TENM1: variants seen among roughly 807,000 people sequenced by gnomAD.
The protein encoded by TENM1 is teneurin-1.
A neutral mutation model predicts 174.8 loss-of-function variants in TENM1; 35 were observed. The ratio of observed to expected loss-of-function variants is 0.20; its 90% confidence interval spans 0.15 to 0.27. The LOEUF (loss-of-function observed/expected upper bound fraction) is 0.27, where lower values mean the gene tolerates loss of function less well. Ranked by LOEUF, TENM1 falls within the 10% of genes least tolerant of loss-of-function variation. TENM1 has a pLI of 1.00. For missense variants in TENM1, 1,633 were observed against 2,130.1 expected, an observed-to-expected ratio of 0.77 and a Z score of 4.59; for synonymous variants, 781 against 798.7, an observed-to-expected ratio of 0.98 and a Z score of 0.37.
intron 20 of TENM1, among the ~76,000 whole-genome samples, chrX:124,491,109 G>T (rs1205438114): frequency 8.9e-6 from 1 of 112,092 alleles, no homozygotes; most frequent in Non-Finnish European, 1.9e-5. Flanking sequence ...TGTTTTAGAT[G>T]CTACCATTTG....
At chrX:124,924,163 G>C (rs538575574) in intron 1 of TENM1, among the ~76,000 whole-genome samples, 1 of 111,172 alleles carries the variant, frequency 9.0e-6, no homozygotes, top group African/African-American at 3.3e-5. Flanking sequence ...TTTAATTTTC[G>C]AATTGACTTT....
At chrX:125,184,273 T>C in the TENM1 span, among the ~76,000 whole-genome samples, 1 of 112,150 alleles carries the variant, frequency 8.9e-6, no homozygotes, top group Non-Finnish European at 1.9e-5. Flanking sequence ...ACTTTCCTAG[T>C]GTGAAAAATA....
At chrX:125,155,282 G>A in the TENM1 span, among the ~76,000 whole-genome samples, 2 of 112,001 alleles carry the variant, frequency 1.8e-5, no homozygotes, top group African/African-American at 3.3e-5. Context: ...GACACAGGGT[G>A]CTGATTGGTG....
At chrX:125,057,357 TAC>T in the TENM1 span, among the ~76,000 whole-genome samples, 104 of 90,371 alleles carry the variant, frequency 1.2e-3, no homozygotes, top group African/African-American at 2.9e-3. Flanking sequence ...TATACATACA[TAC>T]ACACACACAC....
intron 11 of TENM1, among the ~76,000 whole-genome samples, chrX:124,589,094 G>GT (rs2049650860): frequency 1.2e-4 from 3 of 24,249 alleles, no homozygotes; most frequent in South Asian, 4.8e-3. Context: ...GTTTCTTGAG[G>GT]GTTTTTTTTT....
chrX:124,561,542 C>T, intron 14 of TENM1, 129 bp downstream of exon 17: 1 of 728,190 alleles, frequency 1.4e-6, no homozygotes, highest in Non-Finnish European at 2.0e-6. Flanking sequence ...TAAAAGGTAG[C>T]ATTACCCTAT....
intron 22 of TENM1, among the ~76,000 whole-genome samples, chrX:124,459,891 A>AAAC (rs1381209806): frequency 9.1e-6 from 1 of 109,896 alleles, no homozygotes; most frequent in Non-Finnish European, 1.9e-5. Context: ...AGAAAAAAAC[A>AAAC]AACAACCCCA....
intron 3 of TENM1, among the ~76,000 whole-genome samples, chrX:124,749,037 C>T (rs1184402807): frequency 1.8e-5 from 2 of 111,361 alleles, no homozygotes; most frequent in East Asian, 2.8e-4. Context: ...GACTCCAAGA[C>T]ACTTGATTAC....
chrX:124,452,865 G>A (rs778460741), intron 23 of TENM1, among the ~76,000 whole-genome samples: 1 of 68,551 alleles, frequency 1.5e-5, no homozygotes, highest in East Asian at 5.6e-4. Flanking sequence ...CTGTTGTGGG[G>A]TGGGGGGAGG....
At chrX:124,893,923 T>C in intron 3 of TENM1, among the ~76,000 whole-genome samples, 1 of 111,667 alleles carries the variant, frequency 9.0e-6, no homozygotes, top group Non-Finnish European at 1.9e-5. Context: ...TGACAATACC[T>C]AAACTATACT....
In TENM1 at chrX:124,651,950, T is replaced by G. The variant is rs139644449; in HGVS notation, c.1543A>C (p.Lys515Gln). The G allele has an allele frequency of 2.5e-5, 30 of 1,207,222 alleles. No homozygotes were observed. The highest frequency in any genetic ancestry group is 3.1e-5 in the Non-Finnish European group (28 of 893,089). The change falls in exon 8 of 32, where the codon AAG (lysine) becomes CAG (glutamine). Residue 515 changes from lysine (K) to glutamine (Q), a missense_variant. Physicochemically the swap from Lys to Gln is moderately conservative, Grantham distance 53. Around this residue, in one of 4 missense-constraint regions of TENM1, gnomAD observed 449 missense variants for 636.2 expected, o/e 0.71. Transcript: ENST00000422452. Reference sequence around the variant, plus strand: ...GTTAACACGAATACTTGCTCCATCTTTTTTCCATCATTGTAAAACGCCAGA... The same window carrying G: ...GTTAACACGAATACTTGCTCCATCTGTTTTCCATCATTGTAAAACGCCAGA...
At chrX:124,852,516 T>C (rs2056740279) in intron 3 of TENM1, among the ~76,000 whole-genome samples, 1 of 110,923 alleles carries the variant, frequency 9.0e-6, no homozygotes, top group Admixed American at 9.6e-5. Flanking sequence ...TGTATATATC[T>C]TGAGAGACTG....
the TENM1 span, among the ~76,000 whole-genome samples, chrX:125,093,306 T>C: frequency 1.8e-5 from 2 of 111,230 alleles, no homozygotes; most frequent in African/African-American, 3.3e-5. Context: ...AAGGGCCAGA[T>C]TACAGCACAA....
At chrX:124,871,312 C>A (rs1238402615) in intron 3 of TENM1, among the ~76,000 whole-genome samples, 1 of 111,954 alleles carries the variant, frequency 8.9e-6, no homozygotes, top group East Asian at 2.8e-4. Flanking sequence ...TGATTTAACC[C>A]AGATGAGAGA....
At chrX:124,623,681 T>C (rs1333024781) in intron 11 of TENM1, among the ~76,000 whole-genome samples, 1 of 111,716 alleles carries the variant, frequency 9.0e-6, no homozygotes, top group Non-Finnish European at 1.9e-5. Flanking sequence ...CATCTGGTAA[T>C]ATCAGTTTAA....
chrX:124,553,905 G>C (rs1420253202), intron 14 of TENM1, among the ~76,000 whole-genome samples: 1 of 111,627 alleles, frequency 9.0e-6, no homozygotes, highest in Non-Finnish European at 1.9e-5. Context: ...AGGAGTTTGA[G>C]ACAAGCCTGG....
intron 1 of TENM1, among the ~76,000 whole-genome samples, chrX:124,936,648 G>A (rs1184382457): frequency 8.9e-6 from 1 of 112,322 alleles, no homozygotes; most frequent in Non-Finnish European, 1.9e-5. Flanking sequence ...TACTAAGAGT[G>A]CAATGACAAT....
intron 11 of TENM1, among the ~76,000 whole-genome samples, chrX:124,614,980 G>A (rs1037360657): frequency 3.6e-5 from 4 of 112,124 alleles, no homozygotes; most frequent in African/African-American, 1.3e-4. Context: ...CTAGGAACAT[G>A]CCCAAGATTT....
intron 6 of TENM1, among the ~76,000 whole-genome samples, chrX:124,654,158 G>A (rs1026364696): frequency 8.9e-6 from 1 of 112,046 alleles, no homozygotes; most frequent in Non-Finnish European, 1.9e-5. Flanking sequence ...TAACCTCACT[G>A]TAAAGAAAAA....
Sources: gnomAD v4.1 joint callset for allele counts (sites outside exome capture counted in the v4.1 genomes callset) on GRCh38, gnomAD v4.1.1 for gene constraint, gnomAD v4.1.1 regional missense constraint, MANE v1.5 for transcripts, NCBI Gene and HGNC (gene_info 2026-07-23, HGNC 2026-07-21) for gene names.